Variants in SPEG observed in about 807,000 individuals in gnomAD.
SPEG encodes striated muscle preferentially expressed protein kinase.
SPEG carries 114 observed loss-of-function variants against 300.4 expected under a neutral mutation model. The observed-to-expected ratio is 0.38, with a 90% confidence interval of 0.33 to 0.44. The LOEUF (loss-of-function observed/expected upper bound fraction) is 0.44. SPEG is among the 20% of genes least tolerant of loss of function. The pLI is 1.00. For missense variants in SPEG, 4,201 were observed against 4,586.2 expected (o/e 0.92, Z 2.43); for synonymous variants, 1,964 against 2,018.9 (o/e 0.97, Z 0.73).
rs753759437 is a variant in SPEG at position 219,492,792 on chromosome 2, C to T, written c.*6C>T. ...CCTACCCTGGCGGCCCCTAGAGGCA[C>T]GGACCACAGCCAGGCCTCGGGCTTC... On this transcript the variant is annotated 3_prime_UTR_variant, in exon 41 of 41. Coordinates refer to ENST00000312358, the MANE Select transcript of SPEG (RefSeq NM_005876.5). The T allele has an allele frequency of 8.2e-6, 13 of 1,577,514 alleles. No individual in the cohort carries two copies. The East Asian group carries it at 2.3e-4, about 28-fold the overall frequency.
At position 219,463,392 on chromosome 2, in the gene SPEG, A is replaced by ATTT. The variant is rs71040459; in HGVS notation, c.2706-1005_2706-1003dup. Among the ~76,000 whole-genome samples the ATTT allele has an allele frequency of 3.8e-4, 9 of 23,946 alleles. 2 individuals are homozygous for ATTT. Among genetic ancestry groups the ATTT allele is most frequent in the Non-Finnish European group, 4.1e-4 (6 of 14,670 alleles). The allele number at this position is 23,946 out of a possible 152,430, so 15.7% of individuals were successfully genotyped here. ...AATTGATTGTCTGGTCCCCACTGTG[A>ATTT]TTTTTTTTTTTTTTTTTTTTTTTTT... is the stretch of plus-strand genomic sequence containing the variant. On this transcript the variant is annotated intron_variant, in intron 8 of 40. Coordinates refer to ENST00000312358, the MANE Select transcript of SPEG (RefSeq NM_005876.5).
At chr2:219,474,025 C>A (rs571584821) in intron 18 of SPEG, 122 bp downstream of exon 18, 3 of 953,080 alleles carry the variant, frequency 3.1e-6, no homozygotes, top group Admixed American at 2.7e-5. Context: ...TCTGGTCAGG[C>A]CTGTCCATGT....
chr2:219,465,635 C>T (rs1009214826), intron 9 of SPEG: 6 of 266,750 alleles, frequency 2.2e-5, no homozygotes, highest in African/African-American at 6.7e-5. Context: ...CCTGGTTGCC[C>T]GGGGTCTCTG....
In SPEG at chr2:219,477,051, G is replaced by C; in HGVS notation, c.4560+69G>C. On this transcript the variant is annotated intron_variant, in intron 19 of 40. Coordinates refer to ENST00000312358, the MANE Select transcript of SPEG (RefSeq NM_005876.5). This position sits in a 1 kb window ranked among gnomAD's most constrained non-coding sequence, Gnocchi z 6.4. ...CTCCCTGGGGGCGTGGGAGGGTCCT[G>C]GAAGGCCTTAGGAGGGCGGAGCCCG... is the stretch of plus-strand genomic sequence containing the variant. 1 of 1,405,766 alleles carries C rather than the reference G, an allele frequency of 7.1e-7. No individual in the cohort carries two copies. Among genetic ancestry groups the C allele is most frequent in the Non-Finnish European group, 9.8e-7 (1 of 1,019,962 alleles). The allele number at this position is 1,405,766 out of a possible 1,614,324, so 87.1% of individuals were successfully genotyped here.
chr2:219,470,531 T>C (rs1342438794), intron 13 of SPEG, among the ~76,000 whole-genome samples: 2 of 152,214 alleles, frequency 1.3e-5, no homozygotes, highest in African/African-American at 4.8e-5. Flanking sequence ...CTGGGGTCAC[T>C]GGCAGCCCTT....
chr2:219,476,950 G>A lies in SPEG; in HGVS notation c.4528G>A (p.Gly1510Arg). 6.2e-7 allele frequency: 1 copy of A among 1,612,646 alleles called. No homozygotes were observed. The highest frequency in any genetic ancestry group is 8.5e-7 in the Non-Finnish European group (1 of 1,179,394). ...ETARFAVVVE[G>R]KPLPDIMWYK... Reference sequence around the variant, plus strand: ...TGCTCGCTTTGCGGTGGTGGTCGAGGGAAAACCACTGCCGGACATCATGTG... The same window carrying A: ...TGCTCGCTTTGCGGTGGTGGTCGAGAGAAAACCACTGCCGGACATCATGTG... Residue 1510 changes from glycine to arginine, a missense_variant, in exon 19 of 41, where the codon GGA becomes AGA. Coordinates refer to ENST00000312358, the MANE Select transcript of SPEG (RefSeq NM_005876.5).
chr2:219,488,602 T>C lies in SPEG; in HGVS notation c.7963T>C (p.Tyr2655His). ...PRAGKRHAGL[Y>H]ECSATNVLGS... ...GGCGGGCAAGCGGCACGCCGGTCTC[T>C]ATGAGTGCTCGGCCACCAACGTACT... is the stretch of plus-strand genomic sequence containing the variant. The change falls in exon 33 of 41, where the codon TAT (tyrosine) becomes CAT (histidine). Residue 2655 changes from tyrosine (Y) to histidine (H), a missense_variant. By Grantham distance (83) the Tyr-to-His change is moderately conservative (BLOSUM62 2). Transcript: ENST00000312358. 1 of 1,612,252 alleles carries C rather than the reference T, an allele frequency of 6.2e-7. No homozygotes were observed. The highest frequency in any genetic ancestry group is 8.5e-7 in the Non-Finnish European group (1 of 1,179,378).
chr2:219,468,891 C>G lies in SPEG; in HGVS notation c.3334C>G (p.Leu1112Val). 1 of 1,613,482 alleles carries G rather than the reference C, an allele frequency of 6.2e-7. No homozygotes were observed. The highest frequency in any genetic ancestry group is 8.5e-7 in the Non-Finnish European group (1 of 1,179,788). ...CATGGAGGAGAGTGAGAACTTGCGG[C>G]TGCGGCAGGACGGGGGTCTGCACTC... The part of the protein sequence containing the change: ...CPMEESENLR[L>V]RQDGGLHSLH... Residue 1112 changes from leucine to valine, a missense_variant, in exon 12 of 41, where the codon CTG becomes GTG. Around this residue, in one of 4 missense-constraint regions of SPEG, gnomAD observed 1,047 missense variants for 1,356.8 expected, o/e 0.77. Coordinates refer to ENST00000312358, the MANE Select transcript of SPEG (RefSeq NM_005876.5).
chr2:219,466,025 G>C, intron 9 of SPEG: 2 of 1,595,346 alleles, frequency 1.3e-6, no homozygotes, highest in Non-Finnish European at 1.7e-6. Context: ...CTAACCTGCC[G>C]CTTGCTGACT....
chr2:219,472,684 T>G (rs1176135579), intron 15 of SPEG, among the ~76,000 whole-genome samples: 2 of 152,176 alleles, frequency 1.3e-5, no homozygotes, highest in Non-Finnish European at 2.9e-5. Flanking sequence ...GCCCCATCTG[T>G]GCCTGTACTG....
chr2:219,469,314 C>T lies in SPEG; in HGVS notation c.3650C>T (p.Pro1217Leu). Residue 1217 changes from proline (P) to leucine (L), a missense_variant, in exon 13 of 41, where the codon CCC (proline) becomes CTC (leucine). Pro to Leu is a moderately conservative substitution (Grantham distance 98). This residue lies in a region of SPEG where 1,047 missense variants were observed against 1,356.8 expected (regional missense o/e 0.77). Transcript: ENST00000312358. ...LECQVTGLPY[P>L]TISWFHNGHR... Reference sequence around the variant, plus strand: ...TGCCAGGTGACCGGCCTGCCCTACCCCACCATCAGCTGGTTCCACAATGGC... The same window carrying T: ...TGCCAGGTGACCGGCCTGCCCTACCTCACCATCAGCTGGTTCCACAATGGC... 1 of 1,613,952 alleles carries T rather than the reference C, an allele frequency of 6.2e-7. No individual in the cohort carries two copies. Among genetic ancestry groups the T allele is most frequent in the East Asian group, 2.2e-5 (1 of 44,886 alleles).
rs199971371 is a variant in SPEG at position 219,477,961 on chromosome 2, C to T, written c.4883C>T (p.Ala1628Val). Residue 1628 changes from alanine to valine, a missense_variant, in exon 22 of 41, where the codon GCG becomes GTG. Transcript: ENST00000312358. This position sits in a 1 kb window ranked among gnomAD's most constrained non-coding sequence, Gnocchi z 6.4. Reference sequence around the variant, plus strand: ...GAGCGTAGCTCCGGCCTGGAGTTTGCGGCCAAGTTCATCCCCAGCCAGGCC... The same window carrying T: ...GAGCGTAGCTCCGGCCTGGAGTTTGTGGCCAAGTTCATCCCCAGCCAGGCC... ...IVERSSGLEF[A>V]AKFIPSQAKP... 54 of 1,614,160 alleles carry T rather than the reference C, an allele frequency of 3.3e-5. No individual in the cohort carries two copies. The East Asian group carries it at 1.0e-3, about 31-fold the overall frequency.
At chr2:219,466,079 C>T (rs771316084) in intron 9 of SPEG, 3 of 1,601,436 alleles carry the variant, frequency 1.9e-6, no homozygotes, top group Non-Finnish European at 2.5e-6. Flanking sequence ...AGGGGGCCAC[C>T]TGTGCTCCCC....
chr2:219,479,002 G>A lies in SPEG; in HGVS notation c.5028-142G>A. The A allele has an allele frequency of 1.4e-6, 1 of 701,730 alleles. No individual in the cohort carries two copies. The highest frequency in any genetic ancestry group is 1.7e-5 in the South Asian group (1 of 60,536). 43.5% of individuals were successfully genotyped at this position (701,730 alleles called of 1,614,324 possible). ...GAGGTGGGGAGGGGGTACACGTGGA[G>A]GAGCGGAGAGGCAGTCTCTGGCTAG... On this transcript the variant is annotated intron_variant, in intron 22 of 40. Transcript: ENST00000312358. The surrounding 1 kb of genome is among the most constrained non-coding windows in gnomAD (Gnocchi z 5.5).
intron 18 of SPEG, among the ~76,000 whole-genome samples, chr2:219,475,804 A>C (rs1473551759): frequency 6.6e-6 from 1 of 152,136 alleles, no homozygotes. Context: ...TGACACCCCT[A>C]TTCCACTAGA....
chr2:219,438,077 A>ACAGCC (rs1362042667), intron 1 of SPEG, among the ~76,000 whole-genome samples: 1 of 152,118 alleles, frequency 6.6e-6, no homozygotes, highest in Non-Finnish European at 1.5e-5. Context: ...AGTTGGGGTC[A>ACAGCC]TGAGAAGGCA....
chr2:219,443,215 C>T lies in SPEG; in HGVS notation c.389-1438C>T. ...ACTCCTCCTCTTGGTCCCTGTCCCT[C>T]TGTGAGGCATCGAGTTCCTGAAGAC... is the stretch of plus-strand genomic sequence containing the variant. On this transcript the variant is annotated intron_variant, in intron 1 of 40. Coordinates refer to ENST00000312358, the MANE Select transcript of SPEG (RefSeq NM_005876.5). The surrounding 1 kb of genome is among the most constrained non-coding windows in gnomAD (Gnocchi z 4.6). The T allele has an allele frequency of 4.0e-6, 6 of 1,495,818 alleles. No individual in the cohort carries two copies. The highest frequency in any genetic ancestry group is 5.6e-6 in the Non-Finnish European group (6 of 1,073,048). The allele number at this position is 1,495,818 out of a possible 1,614,324, so 92.7% of individuals were successfully genotyped here. A position where few individuals can be genotyped will look rare whatever the true frequency, so the allele number is the denominator to read the frequency against.
Position 219,448,497 on chromosome 2 carries a change from TGGG to T in SPEG, c.1341_1343del (p.Trp447_Gly448delinsCys). The T allele has an allele frequency of 6.9e-7, 1 of 1,458,838 alleles. No individual in the cohort carries two copies. Among genetic ancestry groups the T allele is most frequent in the Non-Finnish European group, 9.0e-7 (1 of 1,114,674 alleles). 90.4% of individuals were successfully genotyped at this position (1,458,838 alleles called of 1,614,324 possible). ...GCCCAAGTCGGAGCGCGGCGCACCG[TGGG>T]GCACCCCCGGGGCCTCGCAGGAAGA... On this transcript the variant is annotated inframe_deletion, in exon 4 of 41. Coordinates refer to ENST00000312358, the MANE Select transcript of SPEG (RefSeq NM_005876.5).
intron 18 of SPEG, among the ~76,000 whole-genome samples, chr2:219,475,937 AG>A (rs1209779235): frequency 6.7e-6 from 1 of 149,292 alleles, no homozygotes; most frequent in Admixed American, 6.6e-5. Flanking sequence ...GTGCCTGTGA[AG>A]GGTGGGGGTC....
Sources: gnomAD v4.1 joint callset for allele counts (sites outside exome capture counted in the v4.1 genomes callset) on GRCh38, gnomAD v4.1.1 for gene constraint, gnomAD v4.1.1 regional missense constraint, Gnocchi (gnomAD v3.1) non-coding constraint, MANE v1.5 for transcripts, NCBI Gene and HGNC (gene_info 2026-07-23, HGNC 2026-07-21) for gene names.